The following CACNA1G variants were observed in gnomAD, a reference collection of about 807,000 sequenced individuals.
CACNA1G encodes the protein calcium voltage-gated channel subunit alpha1 G, also known as voltage-dependent T-type calcium channel subunit alpha-1G.
CACNA1G carries 67 observed loss-of-function variants against 219.4 expected under a neutral mutation model. The ratio of observed to expected loss-of-function variants is 0.31; its 90% CI spans 0.25 to 0.37. The LOEUF (loss-of-function observed/expected upper bound fraction) is 0.37. Ranked by LOEUF, CACNA1G falls within the 10% of genes least tolerant of loss-of-function variation. The pLI is 1.00. For synonymous variants in CACNA1G, 1,296 were observed against 1,345.3 expected, an observed-to-expected ratio of 0.96 and a Z score of 0.80; for missense variants, 2,380 against 3,231.4, an observed-to-expected ratio of 0.74 and a Z score of 6.39.
rs2035559180 is a variant in CACNA1G, at chr17:50,561,458, G to A, written c.-2G>A. 6.5e-7 allele frequency: 1 copy of A among 1,534,250 alleles called. No homozygotes were observed. The highest frequency in any genetic ancestry group is 8.7e-7 in the Non-Finnish European group (1 of 1,146,536). ...TCGCCCGGGGCCCCGGCTGGCCAGAGGATGGACGAGGAGGAGGATGGAGCG... is the reference window on the plus strand; with the variant it reads ...TCGCCCGGGGCCCCGGCTGGCCAGAAGATGGACGAGGAGGAGGATGGAGCG... On this transcript the variant is annotated 5_prime_UTR_variant, in exon 1 of 38. Coordinates refer to ENST00000359106, the MANE Select transcript of CACNA1G (RefSeq NM_018896.5).
intron 1 of CACNA1G, among the ~76,000 whole-genome samples, chr17:50,562,366 C>T (rs980703019): frequency 2.6e-5 from 4 of 152,098 alleles, no homozygotes; most frequent in Admixed American, 6.5e-5. Flanking sequence ...AAGGAGATTC[C>T]GGCGGCGGCT....
chr17:50,586,622 T>C (rs1047169663), intron 9 of CACNA1G, among the ~76,000 whole-genome samples: 1 of 152,198 alleles, frequency 6.6e-6, no homozygotes, highest in Non-Finnish European at 1.5e-5. Context: ...CTTTCACTCC[T>C]TTGTTCTGTA....
chr17:50,576,233 G>T lies in CACNA1G; in HGVS notation c.1831G>T (p.Ala611Ser). Reference sequence around the variant, plus strand: ...GAAGGAGAAGGCACTAGTAGAGGTGGCTGCCAGCTCTGGGCCCCCAACCCT... The same window carrying T: ...GAAGGAGAAGGCACTAGTAGAGGTGTCTGCCAGCTCTGGGCCCCCAACCCT... ...TLKEKALVEV[A>S]ASSGPPTLTS... The change falls in exon 8 of 38, where the codon GCT (alanine) becomes TCT (serine). Residue 611 changes from alanine (A) to serine (S), a missense_variant. Ala to Ser is a moderately conservative substitution (Grantham distance 99). This residue lies in a region of CACNA1G where 434 missense variants were observed against 417.3 expected (regional missense o/e 1.04). Coordinates refer to ENST00000359106, the MANE Select transcript of CACNA1G (RefSeq NM_018896.5). The T allele has an allele frequency of 6.2e-7, 1 of 1,602,812 alleles. No homozygotes were observed. The highest frequency in any genetic ancestry group is 8.5e-7 in the Non-Finnish European group (1 of 1,175,570).
At chr17:50,601,959 G>C (rs1221324928) in intron 19 of CACNA1G, among the ~76,000 whole-genome samples, 1 of 152,154 alleles carries the variant, frequency 6.6e-6, no homozygotes, top group African/African-American at 2.4e-5. Context: ...ATTAGGGTCG[G>C]GGTGGAGGGA....
chr17:50,621,683 T>G lies in CACNA1G; in HGVS notation c.5949T>G (p.Ala1983=). 6.2e-6 allele frequency: 10 copies of G among 1,613,966 alleles called. No homozygotes were observed. The highest frequency in any genetic ancestry group is 8.5e-6 in the Non-Finnish European group (10 of 1,179,856). Reference sequence around the variant, plus strand: ...AGATCCCTCTAGCTGAGATGGAGGCTCTGTCTCTGACGTCAGAGATTGTGT... The same window carrying G: ...AGATCCCTCTAGCTGAGATGGAGGCGCTGTCTCTGACGTCAGAGATTGTGT... ...DPQIPLAEME[A]LSLTSEIVSE... is the part of the protein sequence containing the mutation. The change falls in exon 35 of 38, where the codon GCT becomes GCG. Residue 1983 remains alanine, a synonymous_variant. Transcript: ENST00000359106. The surrounding 1 kb of genome is among the most constrained non-coding windows in gnomAD (Gnocchi z 4.6).
At chr17:50,561,770 G>C in intron 1 of CACNA1G, 69 bp downstream of exon 1, 8 of 1,444,218 alleles carry the variant, frequency 5.5e-6, no homozygotes, top group Non-Finnish European at 7.3e-6. Context: ...CGGGGGTCGG[G>C]GGGGAAGAAG....
rs762328592 is a variant in CACNA1G at position 50,616,272 on chromosome 17, C to T, written c.4912-3C>T. ...CCCTGCATCTTGCCCCCATCCCTGC[C>T]AGATTCTGGATGAGGCTCTGAAGAT... On this transcript the variant is annotated splice_region_variant and splice_polypyrimidine_tract_variant and intron_variant, in intron 27 of 37. Coordinates refer to ENST00000359106, the MANE Select transcript of CACNA1G (RefSeq NM_018896.5). The T allele has an allele frequency of 5.6e-6, 9 of 1,598,314 alleles. No homozygotes were observed. The highest frequency in any genetic ancestry group is 4.4e-5 in the South Asian group (4 of 90,714).
rs373020425 is a variant in CACNA1G, at chr17:50,594,657, A to G, written c.2911-336A>G. On this transcript the variant is annotated intron_variant, in intron 13 of 37. Coordinates refer to ENST00000359106, the MANE Select transcript of CACNA1G (RefSeq NM_018896.5). ...GGAACCCACTTCCTACCTTGCAAGGAAGCCAGCTGGTGTTAAGGAGGCAGT... is the reference window on the plus strand; with the variant it reads ...GGAACCCACTTCCTACCTTGCAAGGGAGCCAGCTGGTGTTAAGGAGGCAGT... Among the ~76,000 whole-genome samples, 335 of 152,288 alleles carry G rather than the reference A, an allele frequency of 2.2e-3. 3 individuals carry two copies. Among genetic ancestry groups the G allele is most frequent in the African/African-American group, 7.8e-3 (325 of 41,566 alleles).
intron 10 of CACNA1G, 101 bp downstream of exon 10, chr17:50,590,723 T>A: frequency 1.7e-6 from 2 of 1,176,524 alleles, no homozygotes; most frequent in Non-Finnish European, 2.4e-6. Flanking sequence ...TGGAGGGGTC[T>A]GGAGTCAGGC....
rs751825784 is a variant in CACNA1G, at chr17:50,600,748, C to T, written c.3713C>T (p.Ala1238Val). 2.2e-5 allele frequency: 36 copies of T among 1,613,668 alleles called. No individual in the cohort carries two copies. The highest frequency in any genetic ancestry group is 5.0e-5 in the Admixed American group (3 of 60,004). The change falls in exon 18 of 38, where the codon GCG becomes GTG. Residue 1238 changes from alanine to valine, a missense_variant. Physicochemically the swap from Ala to Val is moderately conservative, Grantham distance 64. Transcript: ENST00000359106. The surrounding 1 kb of genome is among the most constrained non-coding windows in gnomAD (Gnocchi z 4.1). Reference sequence around the variant, plus strand: ...CAGAGCAAAGGGGAACGGGTCCGCGCGTGGATCCGAGCCCGACTCCCTGCC... The same window carrying T: ...CAGAGCAAAGGGGAACGGGTCCGCGTGTGGATCCGAGCCCGACTCCCTGCC... ...GNLSKGERVR[A>V]WIRARLPACC...
At chr17:50,613,028 C>T (rs1403020967) in intron 26 of CACNA1G, among the ~76,000 whole-genome samples, 3 of 152,234 alleles carry the variant, frequency 2.0e-5, no homozygotes, top group African/African-American at 4.8e-5. Flanking sequence ...AGGGTGGCAT[C>T]GCCAGGCCCC....
Position 50,624,084 on chromosome 17 carries a change from G to A in CACNA1G, c.6229+9G>A. 1 of 1,607,730 alleles carries A rather than the reference G, an allele frequency of 6.2e-7. No individual in the cohort carries two copies. On this transcript the variant is annotated intron_variant, in intron 36 of 37. Coordinates refer to ENST00000359106, the MANE Select transcript of CACNA1G (RefSeq NM_018896.5). ...CCCCAAAGCTCAGTCAGGTACCAGGGCTAGAGCAGGCCAATTTGGCTCACA... is the reference window on the plus strand; with the variant it reads ...CCCCAAAGCTCAGTCAGGTACCAGGACTAGAGCAGGCCAATTTGGCTCACA...
intron 4 of CACNA1G, among the ~76,000 whole-genome samples, chr17:50,570,557 CTG>C (rs3062844): frequency 9.6e-4 from 127 of 132,494 alleles, no homozygotes; most frequent in Middle Eastern, 3.7e-3. Context: ...CCCCTGCGCT[CTG>C]TGTGTGTGTG....
chr17:50,569,685 C>G, intron 3 of CACNA1G, 21 bp from the exon 4 acceptor site: 1 of 1,535,532 alleles, frequency 6.5e-7, no homozygotes, highest in Non-Finnish European at 8.8e-7. Flanking sequence ...AAAGGGCCTC[C>G]CTTTGGGCCC....
intron 22 of CACNA1G, among the ~76,000 whole-genome samples, chr17:50,604,728 G>A (rs563254016): frequency 4.1e-4 from 62 of 152,372 alleles, no homozygotes; most frequent in Non-Finnish European, 6.5e-4. Flanking sequence ...GCAGGAAGTG[G>A]GGGCTGCTGG....
chr17:50,591,019 ACC>A (rs1390005759), intron 10 of CACNA1G, among the ~76,000 whole-genome samples: 2 of 151,940 alleles, frequency 1.3e-5, no homozygotes, highest in Admixed American at 6.6e-5. Flanking sequence ...CATCTCAGAC[ACC>A]AGCAACTTGC....
At chr17:50,581,067 G>A (rs1304085603) in intron 9 of CACNA1G, among the ~76,000 whole-genome samples, 1 of 151,114 alleles carries the variant, frequency 6.6e-6, no homozygotes, top group Non-Finnish European at 1.5e-5. Flanking sequence ...ACTGATGGGG[G>A]CGAGACAGAG....
At position 50,571,412 on chromosome 17, in the gene CACNA1G, T is replaced by C. The variant is rs1315284942; in HGVS notation, c.587-466T>C. ...GTGCCTGTTGAGAGAAGGAAGTAGG[T>C]AGGGAGTGTGCGTGTGAATGTGTGC... On this transcript the variant is annotated intron_variant, in intron 4 of 37. Coordinates refer to ENST00000359106, the MANE Select transcript of CACNA1G (RefSeq NM_018896.5). The surrounding 1 kb of genome is among the most constrained non-coding windows in gnomAD (Gnocchi z 4.3). 6.6e-6 allele frequency among the ~76,000 whole-genome samples: 1 copy of C among 151,914 alleles called. No homozygotes were observed. Among genetic ancestry groups the C allele is most frequent in the Non-Finnish European group, 1.5e-5 (1 of 67,976 alleles).
intron 1 of CACNA1G, among the ~76,000 whole-genome samples, chr17:50,565,249 T>G (rs1200846037): frequency 6.6e-6 from 1 of 152,152 alleles, no homozygotes; most frequent in Non-Finnish European, 1.5e-5. Flanking sequence ...GTGTCTCATG[T>G]CTCTGTCTCT....
Sources: gnomAD v4.1 joint callset for allele counts (sites outside exome capture counted in the v4.1 genomes callset) on GRCh38, gnomAD v4.1.1 for gene constraint, gnomAD v4.1.1 regional missense constraint, Gnocchi (gnomAD v3.1) non-coding constraint, MANE v1.5 for transcripts, NCBI Gene and HGNC (gene_info 2026-07-23, HGNC 2026-07-21) for gene names.